Variants in DNM3 observed in about 807,000 individuals in gnomAD.
DNM3 encodes dynamin 3, also known as dynamin-3.
Under a neutral mutation model 101.6 loss-of-function variants are expected in DNM3, and 47 were observed. That is an observed-to-expected ratio of 0.46 (90% CI 0.37 to 0.59). DNM3 has a LOEUF of 0.59. DNM3 is among the 20% of genes least tolerant of loss of function. The pLI is 0.00. For synonymous variants in DNM3, 385 were observed against 387.9 expected, an observed-to-expected ratio of 0.99 and a Z score of 0.09; for missense variants, 849 against 1,085.7, an observed-to-expected ratio of 0.78 and a Z score of 3.06.
At chr1:172,352,884 A>G (rs1054999524) in intron 17 of DNM3, among the ~76,000 whole-genome samples, 2 of 152,222 alleles carry the variant, frequency 1.3e-5, no homozygotes, top group Non-Finnish European at 2.9e-5. Context: ...AATTAAGAGC[A>G]AAACAAATGG....
chr1:171,941,836 G>T (rs1218485382), intron 2 of DNM3, among the ~76,000 whole-genome samples: 1 of 152,142 alleles, frequency 6.6e-6, no homozygotes, highest in Non-Finnish European at 1.5e-5. Context: ...ATGCCCAACA[G>T]CAGTAACTTG....
intron 4 of DNM3, among the ~76,000 whole-genome samples, chr1:171,994,403 T>C (rs1250677069): frequency 6.6e-6 from 1 of 152,172 alleles, no homozygotes; most frequent in Non-Finnish European, 1.5e-5. Context: ...TCTTCTTAAA[T>C]ACTAGAGTCA....
intron 14 of DNM3, among the ~76,000 whole-genome samples, chr1:172,218,747 C>A (rs1449294073): frequency 6.6e-6 from 1 of 152,034 alleles, no homozygotes. Context: ...TGAGCTATAA[C>A]CTCCTCTTTA....
rs181335460 is a variant in DNM3, at chr1:172,315,363, C to A, written c.1881+6524C>A. Among the ~76,000 whole-genome samples, 419 of 152,270 alleles carry A rather than the reference C, an allele frequency of 2.8e-3. 1 individual carries two copies. The highest frequency in any genetic ancestry group is 9.5e-3 in the African/African-American group (393 of 41,552). On this transcript the variant is annotated intron_variant, in intron 16 of 20. Transcript: ENST00000627582. ...CCTCCAAAGGAACGCAGTTCCTCAC[C>A]AGCAACGGAACAAAGCTGGACATAG...
At chr1:172,096,770 G>C (rs1035019391) in intron 13 of DNM3, among the ~76,000 whole-genome samples, 3 of 152,142 alleles carry the variant, frequency 2.0e-5, no homozygotes, top group African/African-American at 7.2e-5. Context: ...TCTTCCAAAG[G>C]TATTGGAGAC....
chr1:172,056,675 C>T (rs963826376), intron 10 of DNM3, among the ~76,000 whole-genome samples: 4 of 150,746 alleles, frequency 2.7e-5, no homozygotes, highest in African/African-American at 9.7e-5. Flanking sequence ...AGGACATCCA[C>T]ACCAAAAACC....
chr1:172,057,358 T>G (rs1339776196), intron 10 of DNM3, among the ~76,000 whole-genome samples: 1 of 151,994 alleles, frequency 6.6e-6, no homozygotes, highest in Non-Finnish European at 1.5e-5. Flanking sequence ...ACAAAGATAC[T>G]CCTCGAGAAG....
intron 4 of DNM3, among the ~76,000 whole-genome samples, chr1:171,990,047 G>A (rs990023761): frequency 6.6e-6 from 1 of 151,938 alleles, no homozygotes; most frequent in Non-Finnish European, 1.5e-5. Context: ...CATTTTAGAG[G>A]TTCCAAAAGC....
At chr1:172,184,553 T>C (rs761429244) in intron 14 of DNM3, among the ~76,000 whole-genome samples, 7 of 152,144 alleles carry the variant, frequency 4.6e-5, no homozygotes, top group Non-Finnish European at 8.8e-5. Flanking sequence ...TCCCAGAATA[T>C]GTCCCCAGGC....
intron 14 of DNM3, among the ~76,000 whole-genome samples, chr1:172,232,583 A>G (rs2061381309): frequency 6.6e-6 from 1 of 152,210 alleles, no homozygotes; most frequent in African/African-American, 2.4e-5. Context: ...AACAGAATAT[A>G]CATTCTTCTC....
chr1:172,239,068 C>G (rs1328108846), intron 14 of DNM3, among the ~76,000 whole-genome samples: 1 of 152,162 alleles, frequency 6.6e-6, no homozygotes, highest in African/African-American at 2.4e-5. Flanking sequence ...AGCCTGTAGT[C>G]ACATCTTCCC....
intron 14 of DNM3, among the ~76,000 whole-genome samples, chr1:172,205,511 A>T (rs1207222548): frequency 1.3e-5 from 2 of 152,160 alleles, no homozygotes; most frequent in Non-Finnish European, 1.5e-5. Flanking sequence ...TAATATTAAA[A>T]ATAATAATGA....
chr1:171,870,807 A>G (rs541444563), intron 1 of DNM3, among the ~76,000 whole-genome samples: 57 of 152,324 alleles, frequency 3.7e-4, no homozygotes, highest in African/African-American at 1.3e-3. Context: ...TGTAATGTGA[A>G]GTCCAAAGGG....
At chr1:172,089,472 T>C (rs2053761612) in intron 12 of DNM3, among the ~76,000 whole-genome samples, 1 of 152,232 alleles carries the variant, frequency 6.6e-6, no homozygotes, top group South Asian at 2.1e-4. Context: ...TTTAAATAAA[T>C]GTTTTGAAAT....
intron 17 of DNM3, among the ~76,000 whole-genome samples, chr1:172,348,930 A>T (rs1221750997): frequency 6.6e-6 from 1 of 152,214 alleles, no homozygotes; most frequent in Non-Finnish European, 1.5e-5. Context: ...AGGTGCAGCC[A>T]GTCCCACCTG....
At chr1:172,024,382 C>G (rs1031203059) in intron 4 of DNM3, among the ~76,000 whole-genome samples, 1 of 152,144 alleles carries the variant, frequency 6.6e-6, no homozygotes, top group African/African-American at 2.4e-5. Context: ...CCTTTTTGAA[C>G]TAAATTTATA....
intron 14 of DNM3, among the ~76,000 whole-genome samples, chr1:172,170,972 C>T (rs959544391): frequency 3.3e-5 from 5 of 151,722 alleles, no homozygotes; most frequent in Non-Finnish European, 4.4e-5. Context: ...GAAATAGTGA[C>T]GTTATTTTTC....
At chr1:172,119,234 C>T (rs12042516) in intron 13 of DNM3, among the ~76,000 whole-genome samples, 112 of 151,956 alleles carry the variant, frequency 7.4e-4, no homozygotes, top group East Asian at 3.5e-3. Context: ...TCAGGTGGTC[C>T]GCCCGCCTCA....
At chr1:172,147,536 T>C (rs1301034811) in intron 14 of DNM3, among the ~76,000 whole-genome samples, 1 of 152,136 alleles carries the variant, frequency 6.6e-6, no homozygotes, top group Non-Finnish European at 1.5e-5. Flanking sequence ...GAAACGCTGT[T>C]TCAGTTAGTT....
Sources: allele counts gnomAD v4.1 joint callset (sites outside exome capture counted in the v4.1 genomes callset), GRCh38; gene constraint gnomAD v4.1.1; transcripts MANE v1.5; gene names NCBI Gene and HGNC (gene_info 2026-07-23, HGNC 2026-07-21).